Variants in TBK1 observed in about 807,000 individuals in gnomAD.
The protein encoded by TBK1 is serine/threonine-protein kinase TBK1.
In TBK1, 37 loss-of-function variants were observed where a neutral mutation model predicts 99.9. The ratio of observed to expected loss-of-function variants is 0.37; its 90% CI spans 0.28 to 0.49. The LOEUF is 0.49. Among genes scored for constraint, TBK1 ranks in the 20% least tolerant of loss-of-function variants. The pLI is 0.98. For synonymous variants in TBK1, 258 were observed against 279.8 expected, an observed-to-expected ratio of 0.92 and a Z score of 0.78; for missense variants, 644 against 872.5, an observed-to-expected ratio of 0.74 and a Z score of 3.30.
chr12:64,477,167 A>C (rs758638704), intron 6 of TBK1, among the ~76,000 whole-genome samples: 36 of 152,202 alleles, frequency 2.4e-4, no homozygotes, highest in Non-Finnish European at 3.7e-4. Context: ...TTTTTGTTCC[A>C]TATGAATTTA....
In TBK1 at chr12:64,460,288, A is replaced by C. The variant is rs775442238; in HGVS notation, c.187A>C (p.Asn63His). ...AGAATTTGAAGTGTTGAAAAAACTC[A>C]ATCACAAAAATATTGTCAAATTATT... is the stretch of plus-strand genomic sequence containing the variant. Reference protein sequence around the residue: ...MREFEVLKKLNHKNIVKLFAI... With the variant: ...MREFEVLKKLHHKNIVKLFAI... Residue 63 changes from asparagine (N) to histidine (H), a missense_variant, in exon 3 of 21, where the codon AAT (asparagine) becomes CAT (histidine). Physicochemically the swap from Asn to His is moderately conservative, Grantham distance 68 (BLOSUM62 1). Around this residue, in one of 3 missense-constraint regions of TBK1, gnomAD observed 148 missense variants for 202.1 expected, o/e 0.73. Coordinates refer to ENST00000331710, the MANE Select transcript of TBK1 (RefSeq NM_013254.4). The C allele has an allele frequency of 1.9e-6, 3 of 1,577,648 alleles. No homozygotes were observed. In the Admixed American group the frequency reaches 5.3e-5, roughly 28 times the overall value.
chr12:64,464,553 T>C, intron 4 of TBK1, 90 bp downstream of exon 4: 1 of 992,260 alleles, frequency 1.0e-6, no homozygotes, highest in African/African-American at 1.6e-5. Flanking sequence ...ACTGAAGACC[T>C]TTATGCAATG....
chr12:64,466,621 T>G (rs1159021190), intron 4 of TBK1, among the ~76,000 whole-genome samples: 1 of 152,086 alleles, frequency 6.6e-6, no homozygotes, highest in Non-Finnish European at 1.5e-5. Context: ...AGAAATCATA[T>G]GCTTAAGACT....
chr12:64,480,984 A>T (rs2040762808), intron 7 of TBK1, among the ~76,000 whole-genome samples: 1 of 152,180 alleles, frequency 6.6e-6, no homozygotes. Flanking sequence ...ATTTAAACCA[A>T]GAGTTCCAAT....
intron 2 of TBK1, among the ~76,000 whole-genome samples, chr12:64,457,719 G>A (rs1050989891): frequency 6.6e-6 from 1 of 152,114 alleles, no homozygotes; most frequent in Non-Finnish European, 1.5e-5. Flanking sequence ...TAGAAGATAC[G>A]TCACATATCC....
At position 64,460,391 on chromosome 12, in the gene TBK1, T is replaced by C. The variant is rs1592353694; in HGVS notation, c.228+62T>C. 20 of 1,307,206 alleles carry C rather than the reference T, an allele frequency of 1.5e-5. No individual in the cohort carries two copies. The East Asian group carries it at 4.7e-4, about 31-fold the overall frequency. 81.0% of individuals were successfully genotyped at this position (1,307,206 alleles called of 1,614,324 possible). ...TTACGAGTCAAGAAATAGAACCTAA[T>C]ATTAAAAAATGGATTTTTTAAAAAA... On this transcript the variant is annotated intron_variant, in intron 3 of 20. Coordinates refer to ENST00000331710, the MANE Select transcript of TBK1 (RefSeq NM_013254.4).
intron 5 of TBK1, 35 bp from the exon 6 acceptor site, chr12:64,474,195 G>T: frequency 6.3e-7 from 1 of 1,580,670 alleles, no homozygotes; most frequent in South Asian, 1.2e-5. Context: ...ATGGGTCACA[G>T]GTTCATGATT....
chr12:64,456,694 T>G (rs1156556725), intron 2 of TBK1, among the ~76,000 whole-genome samples: 1 of 151,618 alleles, frequency 6.6e-6, no homozygotes, highest in Non-Finnish European at 1.5e-5. Flanking sequence ...CAAAAAAAAT[T>G]AGCCAGGCGT....
chr12:64,500,952 T>A (rs565427229), intron 20 of TBK1, among the ~76,000 whole-genome samples: 20 of 151,908 alleles, frequency 1.3e-4, no homozygotes, highest in Admixed American at 4.6e-4. Flanking sequence ...AGAGAAGGAG[T>A]TTTGCCATAT....
chr12:64,468,049 A>G (rs1398143649), intron 5 of TBK1, among the ~76,000 whole-genome samples: 2 of 152,104 alleles, frequency 1.3e-5, no homozygotes, highest in South Asian at 2.1e-4. Context: ...TTAGCCAGGC[A>G]TGGTGGCGCA....
At chr12:64,484,574 C>G in intron 9 of TBK1, 75 bp downstream of exon 9, 1 of 1,396,346 alleles carries the variant, frequency 7.2e-7, no homozygotes, top group South Asian at 1.4e-5. Flanking sequence ...ATAGTGAGAC[C>G]TTGTCTCTAC....
chr12:64,499,034 A>ATTTTTTTT (rs1353026209), intron 20 of TBK1, among the ~76,000 whole-genome samples: 2 of 60,512 alleles, frequency 3.3e-5, no homozygotes, highest in Non-Finnish European at 6.4e-5. Context: ...TACTAATTTT[A>ATTTTTTTT]TTCTTTTTTT....
In TBK1 at chr12:64,496,960, A is replaced by G; in HGVS notation, c.1772A>G (p.Tyr591Cys). Residue 591 changes from tyrosine to cysteine, a missense_variant, in exon 17 of 21, where the codon TAT becomes TGT. By Grantham distance (194) the Tyr-to-Cys change is radical (BLOSUM62 -2). This residue lies in a region of TBK1 where 465 missense variants were observed against 588.0 expected (regional missense o/e 0.79). Transcript: ENST00000331710. ...QIHKFDKQKL[Y>C]YHATKAMTHF... ...TTTCTAAATTACAGGCAAAAACTGTATTACCATGCCACAAAAGCTATGACG... is the reference window on the plus strand; with the variant it reads ...TTTCTAAATTACAGGCAAAAACTGTGTTACCATGCCACAAAAGCTATGACG... 1 of 1,611,942 alleles carries G rather than the reference A, an allele frequency of 6.2e-7. No individual in the cohort carries two copies. Among genetic ancestry groups the G allele is most frequent in the South Asian group, 1.1e-5 (1 of 90,636 alleles).
At chr12:64,474,196 G>T in intron 5 of TBK1, 34 bp from the exon 6 acceptor site, 1 of 1,581,834 alleles carries the variant, frequency 6.3e-7, no homozygotes. Context: ...TGGGTCACAG[G>T]TTCATGATTT....
rs538315385 is a variant in TBK1, at chr12:64,491,726, C to T, written c.1521+1607C>T. 6.8e-4 allele frequency among the ~76,000 whole-genome samples: 104 copies of T among 152,286 alleles called. 1 individual carries two copies. Among genetic ancestry groups the T allele is most frequent in the African/African-American group, 2.3e-3 (96 of 41,560 alleles). On this transcript the variant is annotated intron_variant, in intron 13 of 20. Coordinates refer to ENST00000331710, the MANE Select transcript of TBK1 (RefSeq NM_013254.4). ...AATTAAAAGTGAAAGGAACTTGATA[C>T]GATATCCTTTTCACTTTCCAGCTTA... is the stretch of plus-strand genomic sequence containing the variant.
intron 3 of TBK1, among the ~76,000 whole-genome samples, chr12:64,462,798 A>G (rs375624113): frequency 6.6e-6 from 1 of 152,194 alleles, no homozygotes; most frequent in Non-Finnish European, 1.5e-5. Flanking sequence ...ATCATTGTGT[A>G]TATATAATTT....
chr12:64,492,042 G>T (rs207473018), intron 13 of TBK1, among the ~76,000 whole-genome samples: 3 of 152,126 alleles, frequency 2.0e-5, no homozygotes, highest in African/African-American at 7.2e-5. Context: ...ATAGAATAAG[G>T]TGATTAAAAG....
chr12:64,483,472 T>C (rs1032860270), intron 8 of TBK1, among the ~76,000 whole-genome samples: 1 of 152,228 alleles, frequency 6.6e-6, no homozygotes, highest in African/African-American at 2.4e-5. Context: ...AACAAACATA[T>C]AGTCACATAA....
At chr12:64,475,571 G>A (rs897897827) in intron 6 of TBK1, among the ~76,000 whole-genome samples, 2 of 152,288 alleles carry the variant, frequency 1.3e-5, no homozygotes, top group Non-Finnish European at 2.9e-5. Flanking sequence ...GAAAAGTTGT[G>A]AACGCAAGAT....
Sources: allele counts gnomAD v4.1 joint callset (sites outside exome capture counted in the v4.1 genomes callset), GRCh38; gene constraint gnomAD v4.1.1; regional missense constraint gnomAD v4.1.1; transcripts MANE v1.5; gene names NCBI Gene and HGNC (gene_info 2026-07-23, HGNC 2026-07-21).